Variants in CNTNAP5 observed in about 807,000 individuals in gnomAD.
CNTNAP5 encodes the protein contactin-associated protein-like 5.
CNTNAP5 carries 72 observed loss-of-function variants against 150.2 expected under a neutral mutation model. The observed-to-expected ratio is 0.48, with a 90% CI of 0.40 to 0.58. CNTNAP5 has a LOEUF of 0.58. Ranked by LOEUF, CNTNAP5 falls within the 20% of genes least tolerant of loss-of-function variation. The probability of loss-of-function intolerance (pLI) is 0.00; values close to 1 mark genes in which losing one functional copy is unlikely to be tolerated. For synonymous variants in CNTNAP5, 672 were observed against 619.8 expected (o/e 1.08, Z -1.25); for missense variants, 1,636 against 1,626.2 (o/e 1.01, Z -0.10).
intron 13 of CNTNAP5, among the ~76,000 whole-genome samples, chr2:124,732,479 G>A (rs1373863866): frequency 6.6e-6 from 1 of 152,062 alleles, no homozygotes; most frequent in Admixed American, 6.6e-5. Context: ...TTAGAAAACA[G>A]GCCCAAGGGA....
chr2:124,602,866 C>T (rs1406443945), intron 11 of CNTNAP5, among the ~76,000 whole-genome samples: 1 of 152,188 alleles, frequency 6.6e-6, no homozygotes, highest in Non-Finnish European at 1.5e-5. Flanking sequence ...GAACAACTCT[C>T]TAACACAGGA....
chr2:124,477,660 T>C (rs1207485495), intron 7 of CNTNAP5, among the ~76,000 whole-genome samples: 1 of 150,512 alleles, frequency 6.6e-6, no homozygotes, highest in African/African-American at 2.4e-5. Flanking sequence ...CATGACATTT[T>C]TTTTTTTTTT....
intron 8 of CNTNAP5, among the ~76,000 whole-genome samples, chr2:124,509,052 A>G (rs1694490892): frequency 6.8e-6 from 1 of 146,308 alleles, no homozygotes; most frequent in South Asian, 2.1e-4. Flanking sequence ...AATGCAGATA[A>G]TCAAAGGTTT....
intron 3 of CNTNAP5, among the ~76,000 whole-genome samples, chr2:124,362,104 C>T (rs998835789): frequency 3.9e-5 from 6 of 152,312 alleles, no homozygotes; most frequent in Admixed American, 6.5e-5. Flanking sequence ...TTCTTTGACT[C>T]GGAAAGGGAA....
At chr2:124,104,536 TG>T (rs1445741057) in intron 1 of CNTNAP5, among the ~76,000 whole-genome samples, 6 of 152,180 alleles carry the variant, frequency 3.9e-5, no homozygotes, top group African/African-American at 1.4e-4. Context: ...TGTTTTGCTT[TG>T]TTTTTGTTTT....
chr2:124,749,321 C>T (rs985679295), intron 14 of CNTNAP5, among the ~76,000 whole-genome samples: 1 of 151,932 alleles, frequency 6.6e-6, no homozygotes, highest in Non-Finnish European at 1.5e-5. Context: ...TTACTCTTGA[C>T]TCTGACCCCT....
At chr2:124,097,112 A>G (rs796276819) in intron 1 of CNTNAP5, among the ~76,000 whole-genome samples, 1 of 152,198 alleles carries the variant, frequency 6.6e-6, no homozygotes, top group East Asian at 1.9e-4. Context: ...ATTCTTTTAG[A>G]GCTTGGAAAG....
At chr2:124,333,245 G>C (rs1451023828) in intron 3 of CNTNAP5, among the ~76,000 whole-genome samples, 2 of 151,924 alleles carry the variant, frequency 1.3e-5, no homozygotes, top group East Asian at 3.9e-4. Context: ...CTCCAACCTC[G>C]GCAACAAAGC....
intron 19 of CNTNAP5, among the ~76,000 whole-genome samples, chr2:124,846,855 C>A (rs903185278): frequency 1.3e-5 from 2 of 152,142 alleles, no homozygotes; most frequent in Admixed American, 6.6e-5. Context: ...TGGGTCTAGC[C>A]ACGCAGTAGA....
At chr2:124,213,517 A>G (rs2104728426) in intron 1 of CNTNAP5, among the ~76,000 whole-genome samples, 1 of 152,316 alleles carries the variant, frequency 6.6e-6, no homozygotes, top group South Asian at 2.1e-4. Context: ...TGAAATACTA[A>G]ATACCAGGGC....
At chr2:124,576,592 A>G (rs181587495) in intron 11 of CNTNAP5, among the ~76,000 whole-genome samples, 5 of 152,294 alleles carry the variant, frequency 3.3e-5, no homozygotes, top group South Asian at 4.1e-4. Flanking sequence ...TCAAAACTAC[A>G]GAAAACAAAC....
intron 1 of CNTNAP5, among the ~76,000 whole-genome samples, chr2:124,180,483 A>T (rs572573452): frequency 4.2e-4 from 64 of 152,286 alleles, no homozygotes; most frequent in African/African-American, 1.3e-3. Flanking sequence ...TCCTGTTTGC[A>T]ATCTGAATAT....
chr2:124,108,103 C>CT (rs1199608843), intron 1 of CNTNAP5, among the ~76,000 whole-genome samples: 1 of 152,194 alleles, frequency 6.6e-6, no homozygotes, highest in African/African-American at 2.4e-5. Context: ...AGAGCGATGG[C>CT]TGTCTGTCCT....
At chr2:124,173,908 T>C (rs1266800187) in intron 1 of CNTNAP5, among the ~76,000 whole-genome samples, 1 of 152,148 alleles carries the variant, frequency 6.6e-6, no homozygotes, top group Non-Finnish European at 1.5e-5. Flanking sequence ...ACAGGCTCTT[T>C]CTAGGGGTTC....
At chr2:124,629,936 CAAAA>C (rs70996084) in intron 12 of CNTNAP5, among the ~76,000 whole-genome samples, 5 of 67,764 alleles carry the variant, frequency 7.4e-5, no homozygotes, top group East Asian at 9.8e-4. Flanking sequence ...CACCTCTATG[CAAAA>C]AAAAAAAAAA....
At chr2:124,805,635 A>G (rs1682065901) in intron 19 of CNTNAP5, among the ~76,000 whole-genome samples, 4 of 152,208 alleles carry the variant, frequency 2.6e-5, no homozygotes. Flanking sequence ...CTCTACAAAC[A>G]TCTGTTTAAT....
chr2:124,737,323 G>A (rs2105133786), intron 13 of CNTNAP5, among the ~76,000 whole-genome samples: 1 of 151,980 alleles, frequency 6.6e-6, no homozygotes, highest in Admixed American at 6.5e-5. Context: ...ACGATAGCGT[G>A]ATGTTGGAGT....
intron 4 of CNTNAP5, among the ~76,000 whole-genome samples, chr2:124,430,774 A>C (rs1692358952): frequency 6.6e-6 from 1 of 152,182 alleles, no homozygotes; most frequent in Admixed American, 6.5e-5. Context: ...GTGCACGCCT[A>C]CTCAGTGTGA....
chr2:124,059,441 A>C (rs1161724839), intron 1 of CNTNAP5, among the ~76,000 whole-genome samples: 1 of 152,146 alleles, frequency 6.6e-6, no homozygotes, highest in Non-Finnish European at 1.5e-5. Flanking sequence ...TGGGCTCAGC[A>C]TTTCAAGTCA....
Sources: allele counts gnomAD v4.1 joint callset (sites outside exome capture counted in the v4.1 genomes callset), GRCh38; gene constraint gnomAD v4.1.1; transcripts MANE v1.5; gene names NCBI Gene and HGNC (gene_info 2026-07-23, HGNC 2026-07-21).